DNAJC1: variants seen among roughly 807,000 people sequenced by gnomAD.
DNAJC1 encodes the protein dnaJ homolog subfamily C member 1.
In DNAJC1, 58 loss-of-function variants were observed where a neutral mutation model predicts 76.6. The ratio of observed to expected loss-of-function variants is 0.76; its 90% confidence interval spans 0.61 to 0.94. The LOEUF is 0.94. DNAJC1 is among the 40% of genes least tolerant of loss of function. DNAJC1 has a pLI of 0.00. For missense variants in DNAJC1, 689 were observed against 677.3 expected (o/e 1.02, Z -0.19); for synonymous variants, 258 against 267.9 (o/e 0.96, Z 0.36).
At chr10:21,884,742 G>C (rs980958299) in intron 7 of DNAJC1, among the ~76,000 whole-genome samples, 3 of 152,118 alleles carry the variant, frequency 2.0e-5, no homozygotes, top group Non-Finnish European at 4.4e-5. Context: ...AGCAATAGCA[G>C]AAGTAATTTG....
At chr10:21,910,980 A>T (rs1684876492) in intron 6 of DNAJC1, among the ~76,000 whole-genome samples, 1 of 149,556 alleles carries the variant, frequency 6.7e-6, no homozygotes, top group South Asian at 2.2e-4. Context: ...GGGGGGGAAG[A>T]GAGAAAGAGG....
chr10:21,804,980 T>C (rs544255501), intron 9 of DNAJC1, among the ~76,000 whole-genome samples: 1 of 152,294 alleles, frequency 6.6e-6, no homozygotes, highest in African/African-American at 2.4e-5. Context: ...ATAATTTCTG[T>C]ACGTTTCTTT....
chr10:21,863,227 A>G (rs1835945773), intron 8 of DNAJC1, among the ~76,000 whole-genome samples: 1 of 152,154 alleles, frequency 6.6e-6, no homozygotes, highest in African/African-American at 2.4e-5. Flanking sequence ...AAAAAAACAG[A>G]GAAAAATAAA....
chr10:21,766,189 A>C (rs901731708), intron 10 of DNAJC1, 72 bp downstream of exon 10: 32 of 1,117,494 alleles, frequency 2.9e-5, no homozygotes, highest in Non-Finnish European at 3.9e-5. Context: ...TATTTAAAGA[A>C]GTTATTATAA....
chr10:21,824,794 A>T (rs1835220053), intron 8 of DNAJC1, among the ~76,000 whole-genome samples: 1 of 152,036 alleles, frequency 6.6e-6, no homozygotes, highest in African/African-American at 2.4e-5. Flanking sequence ...TATTTTTGAG[A>T]TGGTGTTTCG....
intron 8 of DNAJC1, among the ~76,000 whole-genome samples, chr10:21,829,433 G>T (rs1835319459): frequency 6.6e-6 from 1 of 152,188 alleles, no homozygotes; most frequent in South Asian, 2.1e-4. Flanking sequence ...AGCCAGAATG[G>T]TCTTGATTTC....
chr10:21,825,149 C>CG (rs1396629341), intron 8 of DNAJC1, among the ~76,000 whole-genome samples: 1 of 152,168 alleles, frequency 6.6e-6, no homozygotes, highest in Non-Finnish European at 1.5e-5. Flanking sequence ...TTGTACAAGC[C>CG]ATCACCACTG....
chr10:22,002,477 G>A (rs751972410), intron 1 of DNAJC1, among the ~76,000 whole-genome samples: 2 of 151,814 alleles, frequency 1.3e-5, no homozygotes, highest in Non-Finnish European at 2.9e-5. Flanking sequence ...AAAGGAAAAG[G>A]GGAAAAAAAA....
intron 8 of DNAJC1, among the ~76,000 whole-genome samples, chr10:21,809,663 A>T (rs574202533): frequency 2.0e-5 from 3 of 151,990 alleles, no homozygotes; most frequent in Non-Finnish European, 4.4e-5. Context: ...TGGATGTCTA[A>T]TAATCTAATT....
intron 8 of DNAJC1, among the ~76,000 whole-genome samples, chr10:21,880,836 TGTC>T: frequency 6.6e-6 from 1 of 152,346 alleles, no homozygotes; most frequent in East Asian, 1.9e-4. Flanking sequence ...AAAGTAAGCC[TGTC>T]TTTTGAAGCT....
intron 9 of DNAJC1, among the ~76,000 whole-genome samples, chr10:21,783,852 T>C (rs1442351209): frequency 6.6e-6 from 1 of 152,152 alleles, no homozygotes; most frequent in Non-Finnish European, 1.5e-5. Context: ...TAGCCATATG[T>C]AGAAAGCTGA....
chr10:21,849,292 C>CA (rs33953332), intron 8 of DNAJC1, among the ~76,000 whole-genome samples: 5,980 of 35,770 alleles, frequency 0.17, 2,000 homozygotes, highest in Non-Finnish European at 0.21. Flanking sequence ...GACTCCGCCT[C>CA]AAAAAAAAAA....
intron 8 of DNAJC1, among the ~76,000 whole-genome samples, chr10:21,815,388 G>A (rs771292445): frequency 2.0e-5 from 3 of 152,184 alleles, no homozygotes; most frequent in Middle Eastern, 3.4e-3. Flanking sequence ...CTGTACAATC[G>A]CTAATGCATC....
chr10:21,923,625 G>T (rs1837073665), intron 3 of DNAJC1, among the ~76,000 whole-genome samples: 1 of 151,756 alleles, frequency 6.6e-6, no homozygotes. Context: ...AAAAATCATA[G>T]GAAATTATAA....
At chr10:21,850,881 A>G (rs972708486) in intron 8 of DNAJC1, among the ~76,000 whole-genome samples, 1 of 152,196 alleles carries the variant, frequency 6.6e-6, no homozygotes, top group Non-Finnish European at 1.5e-5. Context: ...ATATATGATC[A>G]AATGGTTTTT....
Position 21,766,539 on chromosome 10 carries a change from A to G in DNAJC1, c.1099-230T>C, listed in dbSNP as rs1458124421. Among the ~76,000 whole-genome samples the G allele has an allele frequency of 2.6e-5, 4 of 152,210 alleles. No individual in the cohort carries two copies. The East Asian group carries it at 7.7e-4, about 29-fold the overall frequency. Reference sequence around the variant, plus strand: ...CCATCCACTCAGCAGCAGCTTCAGGACAAGAACTCACATCCCTAGACTCCT... The same window carrying G: ...CCATCCACTCAGCAGCAGCTTCAGGGCAAGAACTCACATCCCTAGACTCCT... On this transcript the variant is annotated intron_variant, in intron 9 of 11. Coordinates refer to ENST00000376980, the MANE Select transcript of DNAJC1 (RefSeq NM_022365.4).
intron 8 of DNAJC1, among the ~76,000 whole-genome samples, chr10:21,817,524 C>G (rs953026209): frequency 2.0e-5 from 3 of 151,904 alleles, no homozygotes; most frequent in African/African-American, 7.3e-5. Flanking sequence ...CTATCATCAA[C>G]TTTAAGATTA....
chr10:21,859,087 A>G (rs894217779), intron 8 of DNAJC1, among the ~76,000 whole-genome samples: 5 of 152,206 alleles, frequency 3.3e-5, no homozygotes, highest in African/African-American at 1.2e-4. Context: ...GATATTTGTC[A>G]TATTTCATTT....
chr10:21,798,170 C>T (rs911517061), intron 9 of DNAJC1, among the ~76,000 whole-genome samples: 11 of 152,174 alleles, frequency 7.2e-5, no homozygotes, highest in African/African-American at 2.7e-4. Flanking sequence ...TTGTATACCA[C>T]ATCCTGCATC....
Sources: allele counts gnomAD v4.1 joint callset (sites outside exome capture counted in the v4.1 genomes callset), GRCh38; gene constraint gnomAD v4.1.1; transcripts MANE v1.5; gene names NCBI Gene and HGNC (gene_info 2026-07-23, HGNC 2026-07-21).